ASXL2: variants seen among roughly 807,000 people sequenced by gnomAD.
ASXL2 encodes ASXL transcriptional regulator 2.
ASXL2 carries 23 observed loss-of-function variants against 122.0 expected under a neutral mutation model. The ratio of observed to expected loss-of-function variants is 0.19; its 90% confidence interval spans 0.14 to 0.27. The LOEUF (loss-of-function observed/expected upper bound fraction) is 0.27. Among genes scored for constraint, ASXL2 ranks in the 10% least tolerant of loss-of-function variants. ASXL2 has a pLI of 1.00. For missense variants in ASXL2, 1,518 were observed against 1,713.8 expected (o/e 0.89, Z 2.02); for synonymous variants, 650 against 637.0 (o/e 1.02, Z -0.31).
At chr2:25,813,067 G>GA (rs983670358) in intron 3 of ASXL2, among the ~76,000 whole-genome samples, 8 of 151,838 alleles carry the variant, frequency 5.3e-5, no homozygotes, top group African/African-American at 1.7e-4. Flanking sequence ...ATAAAACCAA[G>GA]AAAAAAAACA....
chr2:25,799,958 A>C (rs1004261277), intron 4 of ASXL2, among the ~76,000 whole-genome samples: 4 of 151,240 alleles, frequency 2.6e-5, no homozygotes, highest in Non-Finnish European at 5.9e-5. Flanking sequence ...CAGCCTGGGC[A>C]ACATGGTGAA....
chr2:25,813,586 A>AC (rs2089198430), intron 3 of ASXL2, among the ~76,000 whole-genome samples: 1 of 152,254 alleles, frequency 6.6e-6, no homozygotes. Context: ...AAGAGACTGT[A>AC]AAGTGTGTAC....
At chr2:25,866,967 C>A (rs2089911729) in intron 1 of ASXL2, among the ~76,000 whole-genome samples, 2 of 152,048 alleles carry the variant, frequency 1.3e-5, no homozygotes, top group Admixed American at 1.3e-4. Context: ...ATGGTGCAAT[C>A]TCAGCTCACC....
In ASXL2 at chr2:25,776,664, TTGTC is replaced by T. The variant is rs376245869; in HGVS notation, c.404-5128_404-5125del. 1.9e-3 allele frequency among the ~76,000 whole-genome samples: 293 copies of T among 152,328 alleles called. 1 individual carries two copies. The highest frequency in any genetic ancestry group is 6.9e-3 in the African/African-American group (285 of 41,576). On this transcript the variant is annotated intron_variant, in intron 5 of 12. Transcript: ENST00000435504. ...TTTATATCCTTGCCAATGCTTATTA[TTGTC>T]TGTCTTTTTTACTTGGCCAATGTTT...
intron 2 of ASXL2, among the ~76,000 whole-genome samples, chr2:25,843,419 G>A (rs546738921): frequency 5.1e-4 from 78 of 152,058 alleles, no homozygotes; most frequent in African/African-American, 1.8e-3. Flanking sequence ...GATTACAGGC[G>A]TGAGCCATTG....
intron 4 of ASXL2, among the ~76,000 whole-genome samples, chr2:25,801,857 C>T (rs747907510): frequency 6.6e-5 from 10 of 152,322 alleles, no homozygotes; most frequent in East Asian, 1.9e-4. Context: ...ATCTATCCTA[C>T]TTGAGTTATT....
At chr2:25,833,059 A>G (rs1574439330) in intron 3 of ASXL2, among the ~76,000 whole-genome samples, 1 of 152,210 alleles carries the variant, frequency 6.6e-6, no homozygotes, top group African/African-American at 2.4e-5. Flanking sequence ...TGTGGTTTTA[A>G]AAGGGGAACA....
intron 8 of ASXL2, among the ~76,000 whole-genome samples, chr2:25,765,159 G>A (rs2149150667): frequency 6.6e-6 from 1 of 152,250 alleles, no homozygotes; most frequent in East Asian, 1.9e-4. Flanking sequence ...TATCATTTAT[G>A]TTTTACACAA....
intron 1 of ASXL2, among the ~76,000 whole-genome samples, chr2:25,867,130 C>T (rs538048504): frequency 1.1e-4 from 16 of 152,150 alleles, no homozygotes; most frequent in Admixed American, 8.5e-4. Context: ...GAACTCCCAA[C>T]CTCAGGTGAT....
intron 3 of ASXL2, among the ~76,000 whole-genome samples, chr2:25,817,157 G>A (rs2089249093): frequency 6.6e-6 from 1 of 152,060 alleles, no homozygotes; most frequent in Non-Finnish European, 1.5e-5. Context: ...AGAACTCAGG[G>A]AAAAGATCAT....
At chr2:25,861,928 C>T (rs2089845975) in intron 1 of ASXL2, among the ~76,000 whole-genome samples, 2 of 152,142 alleles carry the variant, frequency 1.3e-5, no homozygotes, top group Non-Finnish European at 2.9e-5. Flanking sequence ...TAAATGATAG[C>T]AGGCAGACTG....
chr2:25,816,087 T>C (rs917397174), intron 3 of ASXL2, among the ~76,000 whole-genome samples: 36 of 152,066 alleles, frequency 2.4e-4, no homozygotes, highest in African/African-American at 8.4e-4. Context: ...AACATCTAAA[T>C]TTTTCCTAAA....
At chr2:25,848,390 A>C (rs530400781) in intron 1 of ASXL2, among the ~76,000 whole-genome samples, 1 of 152,216 alleles carries the variant, frequency 6.6e-6, no homozygotes, top group African/African-American at 2.4e-5. Context: ...TGGGAGGCCG[A>C]GATAGGTGGA....
At chr2:25,856,755 C>T (rs1034539571) in intron 1 of ASXL2, 1 of 1,307,672 alleles carries the variant, frequency 7.6e-7, no homozygotes, top group Non-Finnish European at 1.1e-6. Flanking sequence ...CAGCAGACAG[C>T]TGCAGACCTT....
intron 12 of ASXL2, among the ~76,000 whole-genome samples, chr2:25,749,216 G>T (rs1193091559): frequency 6.6e-6 from 1 of 152,144 alleles, no homozygotes; most frequent in Non-Finnish European, 1.5e-5. Context: ...TAGGGGAACC[G>T]AAGGAAGCCC....
chr2:25,760,898 A>G (rs1322589704), intron 8 of ASXL2, among the ~76,000 whole-genome samples: 1 of 152,246 alleles, frequency 6.6e-6, no homozygotes, highest in Non-Finnish European at 1.5e-5. Flanking sequence ...AATTACAAAA[A>G]TAAGGACAAA....
Position 25,878,422 on chromosome 2 carries a change from C to G in ASXL2, c.-200G>C. On this transcript the variant is annotated 5_prime_UTR_variant, in exon 1 of 13. Coordinates refer to ENST00000435504, the MANE Select transcript of ASXL2 (RefSeq NM_018263.6). Reference sequence around the variant, plus strand: ...ATGGGGCGGCCGGTCCTCTTGCTGCCGTTGCCACTGCTACCGCCGCTGCCA... The same window carrying G: ...ATGGGGCGGCCGGTCCTCTTGCTGCGGTTGCCACTGCTACCGCCGCTGCCA... The G allele has an allele frequency of 1.7e-6, 1 of 599,260 alleles. No homozygotes were observed. Among genetic ancestry groups the G allele is most frequent in the Non-Finnish European group, 3.0e-6 (1 of 338,166 alleles). The allele number at this position is 599,260 out of a possible 1,614,324, so 37.1% of individuals were successfully genotyped here.
intron 6 of ASXL2, among the ~76,000 whole-genome samples, chr2:25,770,719 C>T (rs540348825): frequency 8.6e-5 from 13 of 151,836 alleles, no homozygotes; most frequent in African/African-American, 2.9e-4. Context: ...AGCGAAACTC[C>T]GTCTCAAAAA....
chr2:25,872,111 T>C (rs1449642709), intron 1 of ASXL2, among the ~76,000 whole-genome samples: 1 of 152,194 alleles, frequency 6.6e-6, no homozygotes, highest in Non-Finnish European at 1.5e-5. Flanking sequence ...AAATTAAAAA[T>C]TAGCAGGGCA....
Sources: gnomAD v4.1 joint callset for allele counts (sites outside exome capture counted in the v4.1 genomes callset) on GRCh38, gnomAD v4.1.1 for gene constraint, MANE v1.5 for transcripts, NCBI Gene and HGNC (gene_info 2026-07-23, HGNC 2026-07-21) for gene names.